The following WDR7 variants were observed in gnomAD, a reference collection of about 807,000 sequenced individuals.
WDR7 encodes WD repeat domain 7.
A neutral mutation model predicts 169.4 loss-of-function variants in WDR7; 46 were observed. The observed-to-expected ratio is 0.27, with a 90% CI of 0.21 to 0.35. The LOEUF (loss-of-function observed/expected upper bound fraction) is 0.35. WDR7 is among the 10% of genes least tolerant of loss of function. The pLI is 1.00. For missense variants in WDR7, 1,534 were observed against 1,859.3 expected (o/e 0.83, Z 3.22); for synonymous variants, 612 against 666.8 (o/e 0.92, Z 1.27).
chr18:56,691,354 C>T lies in WDR7; in HGVS notation c.856C>T (p.Pro286Ser). 1.3e-6 allele frequency: 2 copies of T among 1,589,720 alleles called. No homozygotes were observed. Among genetic ancestry groups the T allele is most frequent in the Non-Finnish European group, 8.5e-7 (1 of 1,174,386 alleles). ...TGGGCAAAGTTATATTTACAAACTACCTGCCAGGTATGCAGCAAGTAATAA... is the reference window on the plus strand; with the variant it reads ...TGGGCAAAGTTATATTTACAAACTATCTGCCAGGTATGCAGCAAGTAATAA... Reference protein sequence around the residue: ...ENGQSYIYKLPASCLPASDSF... With the variant: ...ENGQSYIYKLSASCLPASDSF... Residue 286 changes from proline to serine, a missense_variant, in exon 8 of 28, where the codon CCT becomes TCT. Pro to Ser is a moderately conservative substitution (Grantham distance 74, BLOSUM62 -1). Coordinates refer to ENST00000254442, the MANE Select transcript of WDR7 (RefSeq NM_015285.3).
intron 25 of WDR7, among the ~76,000 whole-genome samples, chr18:56,956,731 T>A (rs2047255552): frequency 6.6e-6 from 1 of 152,146 alleles, no homozygotes; most frequent in Admixed American, 6.6e-5. Context: ...TCCTTTCCCA[T>A]CCAGTATGCA....
chr18:56,956,204 C>A (rs949866092), intron 25 of WDR7, among the ~76,000 whole-genome samples: 1 of 152,148 alleles, frequency 6.6e-6, no homozygotes, highest in African/African-American at 2.4e-5. Flanking sequence ...AACTAGTGCT[C>A]TCCACAGGAA....
intron 20 of WDR7, among the ~76,000 whole-genome samples, chr18:56,868,017 A>T (rs2045905516): frequency 6.6e-6 from 1 of 152,078 alleles, no homozygotes; most frequent in Non-Finnish European, 1.5e-5. Flanking sequence ...CTATGAAAAA[A>T]ATTTGCCAAA....
intron 20 of WDR7, among the ~76,000 whole-genome samples, chr18:56,832,827 C>T (rs1176711152): frequency 6.6e-6 from 1 of 152,150 alleles, no homozygotes; most frequent in Non-Finnish European, 1.5e-5. Context: ...AAAACCCCAT[C>T]TGAAGGTCAC....
chr18:56,911,711 A>C (rs2046554485), intron 21 of WDR7, among the ~76,000 whole-genome samples: 1 of 152,222 alleles, frequency 6.6e-6, no homozygotes, highest in East Asian at 1.9e-4. Flanking sequence ...AATTTTTCAT[A>C]TGATTTTAAT....
chr18:57,036,314 C>T, the WDR7 span: 2 of 152,436 alleles, frequency 1.3e-5, no homozygotes, highest in South Asian at 4.1e-4. Context: ...CCAACTGAGA[C>T]CTGCTACAGG....
chr18:56,797,412 C>T (rs984052822), intron 19 of WDR7, among the ~76,000 whole-genome samples: 2 of 152,016 alleles, frequency 1.3e-5, no homozygotes, highest in African/African-American at 4.8e-5. Context: ...AAACTTATCT[C>T]TAATTCTTCT....
intron 26 of WDR7, among the ~76,000 whole-genome samples, chr18:56,998,589 A>T (rs2047931705): frequency 6.6e-6 from 1 of 152,214 alleles, no homozygotes; most frequent in Non-Finnish European, 1.5e-5. Flanking sequence ...CCCACATAGA[A>T]TTCTATTAAG....
chr18:56,785,697 TG>T (rs2044387450), intron 19 of WDR7, among the ~76,000 whole-genome samples: 1 of 152,200 alleles, frequency 6.6e-6, no homozygotes, highest in African/African-American at 2.4e-5. Flanking sequence ...ATAAAGCATC[TG>T]GTCTTACTGA....
In WDR7 at chr18:57,027,618, G is replaced by A. The variant is rs985889737; in HGVS notation, c.*411G>A. ...TCTGAAGTGCTGCTTGAATCTGGCC[G>A]TTCTGACACTGGGTGTTGAGGTCAT... On this transcript the variant is annotated 3_prime_UTR_variant, in exon 28 of 28. Coordinates refer to ENST00000254442, the MANE Select transcript of WDR7 (RefSeq NM_015285.3). 1.5e-5 allele frequency: 3 copies of A among 194,336 alleles called. No homozygotes were observed. The highest frequency in any genetic ancestry group is 1.6e-4 in the East Asian group (1 of 6,296). The allele number at this position is 194,336 out of a possible 1,614,324, so 12.0% of individuals were successfully genotyped here.
rs1032297641 is a variant in WDR7 at position 56,651,467 on chromosome 18, C to G, written c.-129C>G. The G allele has an allele frequency of 6.6e-6, 1 of 152,562 alleles. No individual in the cohort carries two copies. Among genetic ancestry groups the G allele is most frequent in the African/African-American group, 2.4e-5 (1 of 41,468 alleles). 9.5% of individuals were successfully genotyped at this position (152,562 alleles called of 1,614,324 possible). On this transcript the variant is annotated 5_prime_UTR_variant, in exon 1 of 28. In the 5' UTR this introduces an upstream ATG that the reference lacks. Transcript: ENST00000254442. Reference sequence around the variant, plus strand: ...GCCCCACGGATTATCCCAGCAGGATCTACGCACCCCGCATCCTCCGTAGTT... The same window carrying G: ...GCCCCACGGATTATCCCAGCAGGATGTACGCACCCCGCATCCTCCGTAGTT...
At chr18:57,018,720 C>G (rs1240081913) in intron 26 of WDR7, among the ~76,000 whole-genome samples, 2 of 152,188 alleles carry the variant, frequency 1.3e-5, no homozygotes, top group Non-Finnish European at 2.9e-5. Flanking sequence ...GAGTTTGCAG[C>G]CTCTAAGTCA....
At chr18:56,885,666 A>AG (rs1369356555) in intron 21 of WDR7, among the ~76,000 whole-genome samples, 1 of 151,242 alleles carries the variant, frequency 6.6e-6, no homozygotes, top group Non-Finnish European at 1.5e-5. Flanking sequence ...CTAAAAAAAA[A>AG]AATACAGAAA....
At chr18:56,785,308 G>A (rs951406253) in intron 19 of WDR7, among the ~76,000 whole-genome samples, 2 of 152,148 alleles carry the variant, frequency 1.3e-5, no homozygotes, top group Non-Finnish European at 2.9e-5. Flanking sequence ...AAGTTACATC[G>A]TAAAGTATTG....
intron 26 of WDR7, among the ~76,000 whole-genome samples, chr18:56,965,866 C>G (rs1341031670): frequency 1.3e-5 from 2 of 151,868 alleles, no homozygotes; most frequent in African/African-American, 4.8e-5. Context: ...AACTCCATCT[C>G]TATGTTAATG....
chr18:56,906,985 T>C (rs1482724484), intron 21 of WDR7, among the ~76,000 whole-genome samples: 1 of 152,212 alleles, frequency 6.6e-6, no homozygotes, highest in Non-Finnish European at 1.5e-5. Flanking sequence ...GCTAAGAATT[T>C]GTGTTTTCAT....
At chr18:56,998,107 C>T (rs892688494) in intron 26 of WDR7, among the ~76,000 whole-genome samples, 16 of 152,108 alleles carry the variant, frequency 1.1e-4, no homozygotes, top group Non-Finnish European at 2.1e-4. Flanking sequence ...CATGGGGCTT[C>T]TAAAACCTGG....
intron 25 of WDR7, among the ~76,000 whole-genome samples, chr18:56,942,321 AAGGATCTAAAGGC>A (rs945432112): frequency 2.6e-5 from 4 of 152,120 alleles, no homozygotes; most frequent in Non-Finnish European, 5.9e-5. Context: ...TGATAATATT[AAGGATCTAAAGGC>A]AACTAGGGGT....
intron 12 of WDR7, among the ~76,000 whole-genome samples, chr18:56,710,194 G>C (rs1205890196): frequency 6.6e-6 from 1 of 151,650 alleles, no homozygotes; most frequent in Non-Finnish European, 1.5e-5. Flanking sequence ...TAGTAGACAC[G>C]GGGTTTCACC....
Sources: gnomAD v4.1 joint callset for allele counts (sites outside exome capture counted in the v4.1 genomes callset) on GRCh38, gnomAD v4.1.1 for gene constraint, MANE v1.5 for transcripts, NCBI Gene and HGNC (gene_info 2026-07-23, HGNC 2026-07-21) for gene names.